PTGIS: variants seen among roughly 807,000 people sequenced by gnomAD.
PTGIS encodes the protein prostacyclin synthase.
Under a neutral mutation model 50.3 loss-of-function variants are expected in PTGIS, and 45 were observed. That is an observed-to-expected ratio of 0.90 (90% CI 0.70 to 1.15). The LOEUF (loss-of-function observed/expected upper bound fraction) is 1.15, where lower values mean the gene tolerates loss of function less well. PTGIS is among the 50% of genes most tolerant of loss of function. The pLI is 0.00. For synonymous variants in PTGIS, 260 were observed against 267.7 expected (o/e 0.97, Z 0.28); for missense variants, 668 against 661.3 (o/e 1.01, Z -0.11).
Position 49,540,380 on chromosome 20 carries a change from C to CTG in PTGIS, c.522-660_522-659insCA, listed in dbSNP as rs1982193616. Among the ~76,000 whole-genome samples the CTG allele has an allele frequency of 6.6e-6, 1 of 152,120 alleles. No individual in the cohort carries two copies. The highest frequency in any genetic ancestry group is 2.4e-5 in the African/African-American group (1 of 41,422). On this transcript the variant is annotated intron_variant, in intron 4 of 9. Coordinates refer to ENST00000244043, the MANE Select transcript of PTGIS (RefSeq NM_000961.4). This position sits in a 1 kb window ranked among gnomAD's most constrained non-coding sequence, Gnocchi z 4.8. ...GAACGTGTTCAGGCAACAGGCACAG[C>CTG]CTGTGCAAAGGCCCAGAGCTGAGAG...
At chr20:49,567,451 T>C (rs1982928303) in intron 1 of PTGIS, among the ~76,000 whole-genome samples, 1 of 152,158 alleles carries the variant, frequency 6.6e-6, no homozygotes, top group African/African-American at 2.4e-5. Flanking sequence ...CCGACCCCCG[T>C]CTTCCAGACG....
intron 1 of PTGIS, among the ~76,000 whole-genome samples, chr20:49,552,166 T>A (rs964731733): frequency 6.6e-5 from 10 of 151,962 alleles, no homozygotes; most frequent in African/African-American, 2.2e-4. Flanking sequence ...CTTTTTTTTT[T>A]ATTAACTAAA....
At chr20:49,550,258 A>G (rs1391160875) in intron 1 of PTGIS, 69 bp from the exon 2 acceptor site, 1 of 1,588,426 alleles carries the variant, frequency 6.3e-7, no homozygotes, top group East Asian at 2.2e-5. Flanking sequence ...TAGGTTGCAG[A>G]GTGTGATTTT....
intron 6 of PTGIS, among the ~76,000 whole-genome samples, chr20:49,518,030 C>T (rs1981536266): frequency 6.6e-6 from 1 of 152,176 alleles, no homozygotes; most frequent in African/African-American, 2.4e-5. Flanking sequence ...GGGAAGCCCT[C>T]CTCCATGGGA....
At chr20:49,514,519 C>T in intron 6 of PTGIS, 124 bp from the exon 7 acceptor site, 3 of 1,134,662 alleles carry the variant, frequency 2.6e-6, no homozygotes, top group Admixed American at 2.0e-5. Flanking sequence ...TGCCAAACAC[C>T]CAGGCATGAC....
At chr20:49,532,768 G>A (rs1422966524) in intron 5 of PTGIS, among the ~76,000 whole-genome samples, 1 of 152,168 alleles carries the variant, frequency 6.6e-6, no homozygotes, top group South Asian at 2.1e-4. Flanking sequence ...CCTTTCTAAC[G>A]AGATGACCTT....
chr20:49,523,624 C>T (rs934690662), intron 6 of PTGIS, among the ~76,000 whole-genome samples: 9 of 151,888 alleles, frequency 5.9e-5, no homozygotes, highest in Non-Finnish European at 1.5e-5. Context: ...ACTAAAAATA[C>T]AAAAATTAGC....
intron 4 of PTGIS, among the ~76,000 whole-genome samples, chr20:49,542,956 C>T (rs890015934): frequency 1.3e-5 from 2 of 152,210 alleles, no homozygotes. Flanking sequence ...CACGCCGAGT[C>T]TACACATATG....
intron 6 of PTGIS, among the ~76,000 whole-genome samples, chr20:49,517,716 A>T: frequency 1.3e-5 from 2 of 152,286 alleles, no homozygotes; most frequent in South Asian, 4.1e-4. Context: ...GGTGATTCAC[A>T]TGCTCCTTCT....
intron 1 of PTGIS, 80 bp downstream of exon 1, chr20:49,567,963 G>A: frequency 7.6e-7 from 1 of 1,316,638 alleles, no homozygotes; most frequent in Non-Finnish European, 9.9e-7. Flanking sequence ...GCCGGCCGCG[G>A]GCTCCGAGAC....
At chr20:49,538,010 T>C (rs117927958) in intron 5 of PTGIS, among the ~76,000 whole-genome samples, 8,283 of 152,152 alleles carry the variant, frequency 0.054, 285 homozygotes, top group Admixed American at 0.095. Flanking sequence ...TCCCAACACT[T>C]TGGGAGACCA....
chr20:49,544,185 G>T, intron 4 of PTGIS, 120 bp downstream of exon 4: 1 of 1,340,060 alleles, frequency 7.5e-7, no homozygotes, highest in Non-Finnish European at 1.0e-6. Context: ...CTTTGCTTTG[G>T]GTGTCTCAAA....
intron 9 of PTGIS, among the ~76,000 whole-genome samples, chr20:49,510,026 T>A (rs1254997400): frequency 6.6e-6 from 1 of 151,660 alleles, no homozygotes; most frequent in East Asian, 1.9e-4. Context: ...GTAGTTGGGA[T>A]TACAGGCACG....
At chr20:49,519,919 G>A (rs1166790060) in intron 6 of PTGIS, among the ~76,000 whole-genome samples, 1 of 152,098 alleles carries the variant, frequency 6.6e-6, no homozygotes, top group Non-Finnish European at 1.5e-5. Context: ...ACCCTCTCTT[G>A]TCTGGATCCT....
chr20:49,549,102 T>TG, intron 2 of PTGIS, among the ~76,000 whole-genome samples: 1 of 152,152 alleles, frequency 6.6e-6, no homozygotes, highest in South Asian at 2.1e-4. Flanking sequence ...GAGTGTTGGG[T>TG]GGATAGTGGC....
chr20:49,521,073 C>T (rs888429877), intron 6 of PTGIS, among the ~76,000 whole-genome samples: 3 of 152,190 alleles, frequency 2.0e-5, no homozygotes, highest in African/African-American at 7.2e-5. Flanking sequence ...GGGCCTGGCC[C>T]ATGGTAGGTG....
intron 5 of PTGIS, among the ~76,000 whole-genome samples, chr20:49,527,321 G>C (rs1184691303): frequency 6.6e-6 from 1 of 151,906 alleles, no homozygotes; most frequent in Non-Finnish European, 1.5e-5. Context: ...GCCAGGCATG[G>C]TGGTGTGTAC....
At chr20:49,557,420 G>A (rs1982645611) in intron 1 of PTGIS, among the ~76,000 whole-genome samples, 1 of 151,728 alleles carries the variant, frequency 6.6e-6, no homozygotes, top group African/African-American at 2.4e-5. Flanking sequence ...GTGAGACCCC[G>A]TCTCTACTAA....
At position 49,552,517 on chromosome 20, in the gene PTGIS, TTCTCTCTCTCTCTCTGTCTG is replaced by T. The variant is rs533113045; in HGVS notation, c.75-2348_75-2329del. The stretch of plus-strand genomic sequence containing the variant: ...ACCCAGTCTCTCTCTCCCTCTTTCT[TTCTCTCTCTCTCTCTGTCTG>T]TCTCTCTCTCTCTTTAGAGATATAC... On this transcript the variant is annotated intron_variant, in intron 1 of 9. Transcript: ENST00000244043. Among the ~76,000 whole-genome samples, 747 of 151,306 alleles carry T rather than the reference TTCTCTCTCTCTCTCTGTCTG, an allele frequency of 4.9e-3. 3 individuals are homozygous for T. The highest frequency in any genetic ancestry group is 8.0e-3 in the Non-Finnish European group (541 of 67,656).
Sources: gnomAD v4.1 joint callset for allele counts (sites outside exome capture counted in the v4.1 genomes callset) on GRCh38, gnomAD v4.1.1 for gene constraint, Gnocchi (gnomAD v3.1) non-coding constraint, MANE v1.5 for transcripts, NCBI Gene and HGNC (gene_info 2026-07-23, HGNC 2026-07-21) for gene names.